MBOAT2: variants seen among roughly 807,000 people sequenced by gnomAD.
The protein encoded by MBOAT2 is membrane bound glycerophospholipid O-acyltransferase 2, also known as membrane-bound glycerophospholipid O-acyltransferase 2.
A neutral mutation model predicts 63.4 loss-of-function variants in MBOAT2; 28 were observed. That is an observed-to-expected ratio of 0.44 (90% confidence interval 0.33 to 0.61). The LOEUF is 0.61. Among genes scored for constraint, MBOAT2 ranks in the 20% least tolerant of loss-of-function variants. MBOAT2 has a pLI of 0.03. For missense variants in MBOAT2, 470 were observed against 605.8 expected, an observed-to-expected ratio of 0.78 and a Z score of 2.35; for synonymous variants, 211 against 215.6, an observed-to-expected ratio of 0.98 and a Z score of 0.19.
At chr2:8,879,107 C>T (rs962004669) in intron 6 of MBOAT2, among the ~76,000 whole-genome samples, 5 of 151,740 alleles carry the variant, frequency 3.3e-5, no homozygotes, top group Non-Finnish European at 5.9e-5. Context: ...TGTCTTGAAC[C>T]TTAAGTATTT....
At chr2:8,979,947 C>T (rs1480378665) in intron 1 of MBOAT2, among the ~76,000 whole-genome samples, 2 of 152,090 alleles carry the variant, frequency 1.3e-5, no homozygotes, top group Non-Finnish European at 2.9e-5. Flanking sequence ...ATCTGTGCAT[C>T]CCAGACTATG....
At chr2:8,990,826 T>C (rs908639902) in intron 1 of MBOAT2, among the ~76,000 whole-genome samples, 2 of 152,154 alleles carry the variant, frequency 1.3e-5, no homozygotes, top group Non-Finnish European at 2.9e-5. Flanking sequence ...AAAAGTATTT[T>C]CCAAGAACAA....
chr2:8,890,863 C>A (rs1436400535), intron 4 of MBOAT2, among the ~76,000 whole-genome samples: 3 of 152,168 alleles, frequency 2.0e-5, no homozygotes, highest in African/African-American at 7.2e-5. Flanking sequence ...ATCTAAGTGT[C>A]CAGTCAAGAT....
At chr2:8,872,358 G>C (rs1662390303) in intron 8 of MBOAT2, among the ~76,000 whole-genome samples, 1 of 152,174 alleles carries the variant, frequency 6.6e-6, no homozygotes, top group South Asian at 2.1e-4. Flanking sequence ...GCTCATTGCA[G>C]CCACAAACTC....
rs376639166 is a variant in MBOAT2 at position 8,968,945 on chromosome 2, A to G, written c.76-10303T>C. Among the ~76,000 whole-genome samples, 53 of 152,336 alleles carry G rather than the reference A, an allele frequency of 3.5e-4. 1 individual carries two copies. In the South Asian group the frequency reaches 0.011, roughly 32 times the overall value. Reference sequence around the variant, plus strand: ...GACGGGGAGAATGGAACCAAGTGGAAAAACACTCTGCAGGATATTATCCAG... The same window carrying G: ...GACGGGGAGAATGGAACCAAGTGGAGAAACACTCTGCAGGATATTATCCAG... On this transcript the variant is annotated intron_variant, in intron 1 of 12. Transcript: ENST00000305997.
At chr2:8,877,698 ACT>A (rs1402676756) in intron 6 of MBOAT2, among the ~76,000 whole-genome samples, 2 of 152,188 alleles carry the variant, frequency 1.3e-5, no homozygotes, top group African/African-American at 4.8e-5. Flanking sequence ...AAAAGAAGGA[ACT>A]CTTTTATTCT....
chr2:8,979,782 T>C (rs560426835), intron 1 of MBOAT2, among the ~76,000 whole-genome samples: 2 of 152,140 alleles, frequency 1.3e-5, no homozygotes, highest in African/African-American at 2.4e-5. Flanking sequence ...GAGATCAACA[T>C]AGATTCTTAC....
intron 2 of MBOAT2, among the ~76,000 whole-genome samples, chr2:8,956,979 T>C (rs1001783613): frequency 6.6e-6 from 1 of 152,118 alleles, no homozygotes; most frequent in African/African-American, 2.4e-5. Flanking sequence ...TCCCCTGGAG[T>C]TGGCCAATAT....
At position 8,852,811 on chromosome 2, in the gene MBOAT2, C is replaced by T. The variant is rs1660848973; in HGVS notation, c.*5868G>A. 6.6e-6 allele frequency: 1 copy of T among 152,134 alleles called. No individual in the cohort carries two copies. The highest frequency in any genetic ancestry group is 6.5e-5 in the Admixed American group (1 of 15,280). The allele number at this position is 152,134 out of a possible 1,614,324, so 9.4% of individuals were successfully genotyped here. ...AAAAACCAGCAATAAGCCACCAGTG[C>T]AGCTCTGACAGACTAGAAATGAGTG... is the stretch of plus-strand genomic sequence containing the variant. On this transcript the variant is annotated 3_prime_UTR_variant, in exon 13 of 13. Transcript: ENST00000305997.
At chr2:8,994,246 A>C (rs143797884) in intron 1 of MBOAT2, among the ~76,000 whole-genome samples, 1 of 152,332 alleles carries the variant, frequency 6.6e-6, no homozygotes, top group East Asian at 1.9e-4. Context: ...CAAACAAAAA[A>C]AAAATCAATG....
At chr2:8,971,473 G>A (rs62119987) in intron 1 of MBOAT2, among the ~76,000 whole-genome samples, 2 of 152,078 alleles carry the variant, frequency 1.3e-5, no homozygotes, top group East Asian at 1.9e-4. Context: ...GGGATGCCCT[G>A]TCTCACCACT....
chr2:8,863,732 C>T lies in MBOAT2; in HGVS notation c.1052+438G>A, dbSNP rs114800780. 7.8e-4 allele frequency among the ~76,000 whole-genome samples: 119 copies of T among 152,298 alleles called. 1 individual carries two copies. The highest frequency in any genetic ancestry group is 2.6e-3 in the African/African-American group (108 of 41,552). On this transcript the variant is annotated intron_variant, in intron 10 of 12. Transcript: ENST00000305997. Reference sequence around the variant, plus strand: ...AGGAGCTGAGTCTTTTTATCTTACTCATGTTTGTTTCCCTTGCCTAACAAA... The same window carrying T: ...AGGAGCTGAGTCTTTTTATCTTACTTATGTTTGTTTCCCTTGCCTAACAAA...
In MBOAT2 at chr2:8,858,699, G is replaced by A. The variant is rs747272456; in HGVS notation, c.1543C>T (p.His515Tyr). The A allele has an allele frequency of 9.3e-6, 15 of 1,611,770 alleles. No homozygotes were observed. The highest frequency in any genetic ancestry group is 1.3e-5 in the Non-Finnish European group (15 of 1,179,012). ...CNQNQEIASR[H>Y]SSLKQ ...CCCGATCACTGCTTTAGTGATGAAT[G>A]TCTCGAGGCTATTTCTTGATTCTGA... The change falls in exon 13 of 13, where the codon CAT becomes TAT. Residue 515 changes from histidine (H) to tyrosine (Y), a missense_variant. Around this residue, in one of 3 missense-constraint regions of MBOAT2, gnomAD observed 90 missense variants for 84.9 expected, o/e 1.06. Coordinates refer to ENST00000305997, the MANE Select transcript of MBOAT2 (RefSeq NM_138799.4).
chr2:8,971,966 C>T (rs1021705576), intron 1 of MBOAT2, among the ~76,000 whole-genome samples: 24 of 151,538 alleles, frequency 1.6e-4, no homozygotes, highest in Admixed American at 5.9e-4. Context: ...AGATTCAATG[C>T]CGTCCCCATC....
intron 2 of MBOAT2, 34 bp from the exon 3 acceptor site, chr2:8,943,298 T>C (rs1407854271): frequency 6.1e-6 from 8 of 1,317,234 alleles, no homozygotes; most frequent in Non-Finnish European, 8.4e-6. Context: ...AGAAGAGGGA[T>C]GCCAAGTCAC....
At chr2:8,989,349 C>T (rs1392115819) in intron 1 of MBOAT2, among the ~76,000 whole-genome samples, 1 of 152,122 alleles carries the variant, frequency 6.6e-6, no homozygotes, top group Non-Finnish European at 1.5e-5. Flanking sequence ...CTATCATTGG[C>T]TCAACAGGAT....
intron 1 of MBOAT2, among the ~76,000 whole-genome samples, chr2:8,980,488 A>C (rs1671123210): frequency 6.6e-6 from 1 of 152,186 alleles, no homozygotes; most frequent in South Asian, 2.1e-4. Flanking sequence ...AGAAAAAGAA[A>C]AACAAGCAAA....
rs986461861 is a variant in MBOAT2 at position 8,854,015 on chromosome 2, G to A, written c.*4664C>T. ...TAAAATGTAATTGGCTGCAACCTCTGTACAAGAAAAGCCTCAAAAAGCAGC... is the reference window on the plus strand; with the variant it reads ...TAAAATGTAATTGGCTGCAACCTCTATACAAGAAAAGCCTCAAAAAGCAGC... On this transcript the variant is annotated 3_prime_UTR_variant, in exon 13 of 13. Transcript: ENST00000305997. 6.6e-6 allele frequency: 1 copy of A among 152,120 alleles called. No individual in the cohort carries two copies. 9.4% of individuals were successfully genotyped at this position (152,120 alleles called of 1,614,324 possible).
At chr2:8,915,272 G>A (rs1194402370) in intron 3 of MBOAT2, among the ~76,000 whole-genome samples, 1 of 152,048 alleles carries the variant, frequency 6.6e-6, no homozygotes, top group African/African-American at 2.4e-5. Flanking sequence ...GGCTTGCATT[G>A]TATTTCTATC....
Sources: allele counts gnomAD v4.1 joint callset (sites outside exome capture counted in the v4.1 genomes callset), GRCh38; gene constraint gnomAD v4.1.1; regional missense constraint gnomAD v4.1.1; transcripts MANE v1.5; gene names NCBI Gene and HGNC (gene_info 2026-07-23, HGNC 2026-07-21).